Variants in RREB1 observed in about 807,000 individuals in gnomAD.
RREB1 encodes the protein ras-responsive element-binding protein 1.
Under a neutral mutation model 117.8 loss-of-function variants are expected in RREB1, and 27 were observed. The observed-to-expected ratio is 0.23, with a 90% CI of 0.17 to 0.32. RREB1 has a LOEUF of 0.32. Among genes scored for constraint, RREB1 ranks in the 10% least tolerant of loss-of-function variants. RREB1 has a pLI of 1.00. For missense variants in RREB1, 2,577 were observed against 2,378.2 expected (o/e 1.08, Z -1.74); for synonymous variants, 1,298 against 1,026.7 (o/e 1.26, Z -5.05).
At chr6:7,158,623 A>G (rs1184829273) in intron 1 of RREB1, among the ~76,000 whole-genome samples, 1 of 152,166 alleles carries the variant, frequency 6.6e-6, no homozygotes, top group African/African-American at 2.4e-5. Flanking sequence ...TAGACCTAAA[A>G]TTAGAATTGT....
rs75446492 is a variant in RREB1 at position 7,145,874 on chromosome 6, A to G, written c.-284-30781A>G. 7.6e-3 allele frequency among the ~76,000 whole-genome samples: 1,149 copies of G among 152,010 alleles called. 7 individuals are homozygous for G. Among genetic ancestry groups the G allele is most frequent in the Non-Finnish European group, 0.013 (885 of 68,000 alleles). On this transcript the variant is annotated intron_variant, in intron 1 of 12. Transcript: ENST00000379938. ...GCCTGTGGGGAGAAGAAGAGGGAAG[A>G]AAGGGGTTGCTGTTTGCATCTATTT...
At chr6:7,193,928 A>C (rs768560574) in intron 6 of RREB1, among the ~76,000 whole-genome samples, 72 of 151,544 alleles carry the variant, frequency 4.8e-4, no homozygotes, top group Non-Finnish European at 6.2e-4. Context: ...TAATTGATGT[A>C]GCTTTTGTGT....
chr6:7,246,563 G>A lies in RREB1; in HGVS notation c.4113G>A (p.Ala1371=), dbSNP rs780375768. The stretch of plus-strand genomic sequence containing the variant: ...ATGCGCCTGTGGAGCAGGCCACGGC[G>A]GAAACGGCCTCGCCGGTGCACCGGG... ...AGDAPVEQAT[A]ETASPVHREE... The change falls in exon 12 of 13, where the codon GCG becomes GCA. Residue 1371 remains alanine, a synonymous_variant. Coordinates refer to ENST00000379938, the MANE Select transcript of RREB1 (RefSeq NM_001003699.4). 6.5e-7 allele frequency: 1 copy of A among 1,549,350 alleles called. No individual in the cohort carries two copies. The highest frequency in any genetic ancestry group is 1.2e-5 in the South Asian group (1 of 84,124).
intron 8 of RREB1, among the ~76,000 whole-genome samples, chr6:7,221,126 C>G (rs1397235163): frequency 1.3e-5 from 2 of 152,058 alleles, no homozygotes; most frequent in Non-Finnish European, 2.9e-5. Flanking sequence ...TAAGGTCTAT[C>G]AACAGGTGCT....
chr6:7,135,426 AT>A (rs1762312110), intron 1 of RREB1, among the ~76,000 whole-genome samples: 1 of 152,236 alleles, frequency 6.6e-6, no homozygotes. Context: ...CAGCTGGTAG[AT>A]TGAGACCTTT....
Position 7,229,921 on chromosome 6 carries a change from C to A in RREB1, c.1822C>A (p.Leu608Met), listed in dbSNP as rs758121441. ...CAGCATCATCGAGGCCCTGCTGCCG[C>A]TGAGCATGGAGGCCAAGATCAAGCA... is the stretch of plus-strand genomic sequence containing the variant. ...QDSIIEALLP[L>M]SMEAKIKQEI... The change falls in exon 10 of 13, where the codon CTG (leucine) becomes ATG (methionine). Residue 608 changes from leucine to methionine, a missense_variant. Transcript: ENST00000379938. The surrounding 1 kb of genome is among the most constrained non-coding windows in gnomAD (Gnocchi z 4.5). 6.9e-6 allele frequency: 11 copies of A among 1,599,470 alleles called. No individual in the cohort carries two copies. The African/African-American group carries it at 1.5e-4, about 21-fold the overall frequency.
In RREB1 at chr6:7,229,577, C is replaced by G. The variant is rs1370896518; in HGVS notation, c.1478C>G (p.Pro493Arg). The change falls in exon 10 of 13, where the codon CCT (proline) becomes CGT (arginine). Residue 493 changes from proline (P) to arginine (R), a missense_variant. Transcript: ENST00000379938. This position sits in a 1 kb window ranked among gnomAD's most constrained non-coding sequence, Gnocchi z 4.5. ...QISLPPFSKA[P>R]AAPLQAIFKH... ...AGTCTTCCGCCCTTCTCCAAGGCCC[C>G]TGCCGCCCCACTGCAGGCGATCTTC... The G allele has an allele frequency of 7.4e-6, 12 of 1,612,262 alleles. No individual in the cohort carries two copies. Among genetic ancestry groups the G allele is most frequent in the Non-Finnish European group, 1.0e-5 (12 of 1,178,720 alleles).
chr6:7,181,068 GT>G, intron 2 of RREB1, 55 bp from the exon 3 acceptor site: 4 of 397,258 alleles, frequency 1.0e-5, no homozygotes, highest in Middle Eastern at 6.3e-4. Context: ...AATGATTTCA[GT>G]TTTTTCTTCA....
intron 1 of RREB1, among the ~76,000 whole-genome samples, chr6:7,164,325 GTGTGAC>G (rs1309728055): frequency 6.6e-6 from 1 of 152,062 alleles, no homozygotes; most frequent in Non-Finnish European, 1.5e-5. Context: ...TCTCTTACCT[GTGTGAC>G]TGTTAGGGGT....
intron 1 of RREB1, among the ~76,000 whole-genome samples, chr6:7,138,323 G>A (rs1762428479): frequency 1.3e-5 from 2 of 152,146 alleles, no homozygotes; most frequent in South Asian, 4.1e-4. Flanking sequence ...TGGTGGGAAG[G>A]AAAACTTCGG....
chr6:7,213,455 C>A (rs1308844795), intron 8 of RREB1: 4 of 152,256 alleles, frequency 2.6e-5, no homozygotes, highest in Admixed American at 1.3e-4. Flanking sequence ...GCATGAACCA[C>A]CATGCTCAGC....
At chr6:7,232,767 T>TTC (rs1554127725) in intron 10 of RREB1, among the ~76,000 whole-genome samples, 4 of 150,166 alleles carry the variant, frequency 2.7e-5, no homozygotes, top group African/African-American at 9.8e-5. Context: ...CTTTTTCTTT[T>TTC]TTTTTTTTTT....
chr6:7,249,783 A>G lies in RREB1; in HGVS notation c.*815A>G, dbSNP rs1769328811. 1 of 151,730 alleles carries G rather than the reference A, an allele frequency of 6.6e-6. No homozygotes were observed. Among genetic ancestry groups the G allele is most frequent in the Non-Finnish European group, 1.5e-5 (1 of 67,972 alleles). The allele number at this position is 151,730 out of a possible 1,614,324, so 9.4% of individuals were successfully genotyped here. A position where few individuals can be genotyped will look rare whatever the true frequency, so the allele number is the denominator to read the frequency against. On this transcript the variant is annotated 3_prime_UTR_variant, in exon 13 of 13. Transcript: ENST00000379938. ...ATTTGATTGCCTCCTCTTCCCTTTC[A>G]GTATATGTATTATTAATATTATTAT...
At chr6:7,214,206 G>A (rs1010851211) in intron 8 of RREB1, 1 of 152,262 alleles carries the variant, frequency 6.6e-6, no homozygotes, top group African/African-American at 2.4e-5. Context: ...GCTGTAGACA[G>A]GCTGTGAAGT....
At chr6:7,130,444 C>G (rs1762104571) in intron 1 of RREB1, among the ~76,000 whole-genome samples, 1 of 152,066 alleles carries the variant, frequency 6.6e-6, no homozygotes, top group African/African-American at 2.4e-5. Context: ...GCATCTGATC[C>G]CACTGTGTGG....
intron 1 of RREB1, among the ~76,000 whole-genome samples, chr6:7,136,261 TCAGTAATGC>T (rs767906915): frequency 3.3e-5 from 5 of 152,234 alleles, no homozygotes; most frequent in Non-Finnish European, 5.9e-5. Context: ...TTTATAGATG[TCAGTAATGC>T]CCGTATTTTA....
intron 1 of RREB1, among the ~76,000 whole-genome samples, chr6:7,127,367 CT>C (rs199807684): frequency 6.6e-6 from 1 of 150,822 alleles, no homozygotes; most frequent in Non-Finnish European, 1.5e-5. Flanking sequence ...AACTTCTTCC[CT>C]TTTTTTTTAC....
chr6:7,249,101 G>GACAGACAGACAGACAGAC lies in RREB1; in HGVS notation c.*134_*135insCAGACAGACAGACAGACA, dbSNP rs934916289. The GACAGACAGACAGACAGAC allele has an allele frequency of 1.7e-6, 1 of 591,898 alleles. No individual in the cohort carries two copies. Among genetic ancestry groups the GACAGACAGACAGACAGAC allele is most frequent in the African/African-American group, 2.1e-5 (1 of 48,608 alleles). 36.7% of individuals were successfully genotyped at this position (591,898 alleles called of 1,614,324 possible). ...AGAGAGAGAGAGAGAGAGAGAGAGA[G>GACAGACAGACAGACAGAC]AGACAAGCAGGAGCGTGGCTGCTCG... On this transcript the variant is annotated 3_prime_UTR_variant, in exon 13 of 13. Transcript: ENST00000379938.
chr6:7,124,124 GT>G (rs954521268), intron 1 of RREB1, among the ~76,000 whole-genome samples: 1 of 152,208 alleles, frequency 6.6e-6, no homozygotes, highest in African/African-American at 2.4e-5. Context: ...CCGTCTGAGA[GT>G]TTTGTCGTTG....
Sources: allele counts gnomAD v4.1 joint callset (sites outside exome capture counted in the v4.1 genomes callset), GRCh38; gene constraint gnomAD v4.1.1; non-coding constraint Gnocchi (gnomAD v3.1); transcripts MANE v1.5; gene names NCBI Gene and HGNC (gene_info 2026-07-23, HGNC 2026-07-21).